The following SYK variants were observed in gnomAD, a reference collection of about 807,000 sequenced individuals.
SYK encodes the protein tyrosine-protein kinase SYK.
SYK carries 16 observed loss-of-function variants against 77.8 expected under a neutral mutation model. That is an observed-to-expected ratio of 0.21 (90% confidence interval 0.14 to 0.31). The LOEUF is 0.31. SYK is among the 10% of genes least tolerant of loss of function. The pLI is 1.00. For synonymous variants in SYK, 312 were observed against 308.7 expected, an observed-to-expected ratio of 1.01 and a Z score of -0.11; for missense variants, 529 against 814.4, an observed-to-expected ratio of 0.65 and a Z score of 4.26.
intron 1 of SYK, among the ~76,000 whole-genome samples, chr9:90,804,204 A>T (rs1340769863): frequency 6.6e-6 from 1 of 152,180 alleles, no homozygotes; most frequent in Non-Finnish European, 1.5e-5. Context: ...AAATAGCAAG[A>T]TTTTACTGAA....
intron 3 of SYK, among the ~76,000 whole-genome samples, chr9:90,851,418 C>T (rs1289735574): frequency 6.6e-6 from 1 of 152,202 alleles, no homozygotes; most frequent in Non-Finnish European, 1.5e-5. Flanking sequence ...AACAGAGGCT[C>T]TTTGTGGAGG....
At chr9:90,852,518 T>C (rs919248625) in intron 3 of SYK, among the ~76,000 whole-genome samples, 2 of 152,222 alleles carry the variant, frequency 1.3e-5, no homozygotes, top group African/African-American at 4.8e-5. Flanking sequence ...ATTTTAAAGA[T>C]GGAAGTATTG....
chr9:90,888,675 G>A (rs199810526), intron 13 of SYK, 48 bp downstream of exon 13: 17 of 1,377,402 alleles, frequency 1.2e-5, no homozygotes, highest in Non-Finnish European at 1.7e-5. Context: ...TCTGGAAACA[G>A]GTGAAATGGT....
chr9:90,847,341 G>T (rs1388981570), intron 3 of SYK, among the ~76,000 whole-genome samples: 1 of 152,244 alleles, frequency 6.6e-6, no homozygotes, highest in African/African-American at 2.4e-5. Context: ...TGAGAGAGGG[G>T]CCTGGGCTTC....
intron 9 of SYK, among the ~76,000 whole-genome samples, chr9:90,876,281 C>G (rs1827923453): frequency 7.3e-6 from 1 of 137,086 alleles, no homozygotes; most frequent in Admixed American, 7.8e-5. Context: ...GAGTGAAACT[C>G]TGCCTCAAAA....
intron 1 of SYK, among the ~76,000 whole-genome samples, chr9:90,804,681 G>A (rs1368146825): frequency 6.6e-6 from 1 of 152,160 alleles, no homozygotes; most frequent in East Asian, 1.9e-4. Context: ...TTCTTCTAAA[G>A]CAACTAAAAT....
Position 90,844,149 on chromosome 9 carries a change from G to A in SYK, c.251G>A (p.Ser84Asn), listed in dbSNP as rs199818587. 13 of 1,614,000 alleles carry A rather than the reference G, an allele frequency of 8.1e-6. No individual in the cohort carries two copies. The highest frequency in any genetic ancestry group is 1.0e-5 in the Non-Finnish European group (12 of 1,180,014). Reference sequence around the variant, plus strand: ...ATCGCCGGTGGCAGGACCCATGCCAGCCCCGCCGACCTCTGCCACTACCAC... The same window carrying A: ...ATCGCCGGTGGCAGGACCCATGCCAACCCCGCCGACCTCTGCCACTACCAC... ...YAIAGGRTHASPADLCHYHSQ... is the reference protein window; with the variant it reads ...YAIAGGRTHANPADLCHYHSQ... The change falls in exon 2 of 14, where the codon AGC becomes AAC. Residue 84 changes from serine (S) to asparagine (N), a missense_variant. Coordinates refer to ENST00000375754, the MANE Select transcript of SYK (RefSeq NM_003177.7).
In SYK at chr9:90,894,620, G is replaced by A. The variant is rs563670814; in HGVS notation, c.1836-908G>A. Among the ~76,000 whole-genome samples, 6 of 152,254 alleles carry A rather than the reference G, an allele frequency of 3.9e-5. No homozygotes were observed. The South Asian group carries it at 1.2e-3, about 32-fold the overall frequency. ...TAGGTCAAAATGGCTGAATGTGGACGGTTTCCTACAATTTAACCTCACATT... is the reference window on the plus strand; with the variant it reads ...TAGGTCAAAATGGCTGAATGTGGACAGTTTCCTACAATTTAACCTCACATT... On this transcript the variant is annotated intron_variant, in intron 13 of 13. Transcript: ENST00000375754.
At chr9:90,875,225 C>A in intron 9 of SYK, among the ~76,000 whole-genome samples, 1 of 148,282 alleles carries the variant, frequency 6.7e-6, no homozygotes, top group African/African-American at 2.5e-5. Context: ...ATAGCAAGAC[C>A]CTGTCTCTAC....
chr9:90,833,188 G>A (rs1179973069), intron 1 of SYK, among the ~76,000 whole-genome samples: 1 of 152,206 alleles, frequency 6.6e-6, no homozygotes, highest in Non-Finnish European at 1.5e-5. Context: ...CTGTGTGCAA[G>A]GGATGGGAGT....
At chr9:90,882,865 G>A (rs1255351400) in intron 11 of SYK, among the ~76,000 whole-genome samples, 1 of 152,144 alleles carries the variant, frequency 6.6e-6, no homozygotes, top group Non-Finnish European at 1.5e-5. Flanking sequence ...TTCCAGATAT[G>A]GGGAAAGCAT....
intron 11 of SYK, among the ~76,000 whole-genome samples, chr9:90,884,684 T>C (rs1479047336): frequency 3.7e-5 from 2 of 53,522 alleles, no homozygotes. Flanking sequence ...TATATACACA[T>C]ATACACATAT....
At chr9:90,816,909 G>A (rs1825311525) in intron 1 of SYK, among the ~76,000 whole-genome samples, 2 of 152,190 alleles carry the variant, frequency 1.3e-5, no homozygotes, top group Admixed American at 6.5e-5. Flanking sequence ...TCCATTGTGT[G>A]TGTGCCACAT....
chr9:90,848,054 G>A (rs1487466003), intron 3 of SYK, among the ~76,000 whole-genome samples: 2 of 152,154 alleles, frequency 1.3e-5, no homozygotes, highest in South Asian at 2.1e-4. Flanking sequence ...GCAGTGTAGT[G>A]GGCGTGTTAT....
chr9:90,816,894 A>T (rs1825310758), intron 1 of SYK, among the ~76,000 whole-genome samples: 1 of 152,226 alleles, frequency 6.6e-6, no homozygotes, highest in Non-Finnish European at 1.5e-5. Context: ...ATGGCTGAAT[A>T]GTATTCCATT....
chr9:90,877,675 A>G lies in SYK; in HGVS notation c.1286A>G (p.Asn429Ser). The G allele has an allele frequency of 6.2e-7, 1 of 1,614,220 alleles. No individual in the cohort carries two copies. The highest frequency in any genetic ancestry group is 8.5e-7 in the Non-Finnish European group (1 of 1,180,026). Reference sequence around the variant, plus strand: ...GCAAATGTCATGCAGCAGCTGGACAACCCGTACATCGTGCGGATGATCGGG... The same window carrying G: ...GCAAATGTCATGCAGCAGCTGGACAGCCCGTACATCGTGCGGATGATCGGG... The part of the protein sequence containing the change: ...AEANVMQQLD[N>S]PYIVRMIGIC... Residue 429 changes from asparagine to serine, a missense_variant, in exon 10 of 14, where the codon AAC (asparagine) becomes AGC (serine). This residue lies in a region of SYK where 208 missense variants were observed against 381.3 expected (regional missense o/e 0.55). Transcript: ENST00000375754.
At chr9:90,874,562 A>G in intron 8 of SYK, 110 bp from the exon 9 acceptor site, 1 of 1,340,354 alleles carries the variant, frequency 7.5e-7, no homozygotes, top group Non-Finnish European at 1.0e-6. Context: ...CATCCCTTGC[A>G]ACATTGATGC....
intron 3 of SYK, among the ~76,000 whole-genome samples, chr9:90,860,659 G>C (rs926377898): frequency 3.9e-5 from 6 of 152,076 alleles, no homozygotes; most frequent in African/African-American, 1.2e-4. Flanking sequence ...CTGAGCTGTG[G>C]GGTGCTGTGC....
chr9:90,862,406 C>A, intron 4 of SYK, 62 bp downstream of exon 4: 1 of 1,556,442 alleles, frequency 6.4e-7, no homozygotes, highest in East Asian at 2.3e-5. Context: ...CTCCTTGTCC[C>A]ATGGACTCTT....
Sources: allele counts gnomAD v4.1 joint callset (sites outside exome capture counted in the v4.1 genomes callset), GRCh38; gene constraint gnomAD v4.1.1; regional missense constraint gnomAD v4.1.1; transcripts MANE v1.5; gene names NCBI Gene and HGNC (gene_info 2026-07-23, HGNC 2026-07-21).